Variants in GAREM1 observed in about 807,000 individuals in gnomAD.
GAREM1 encodes GRB2-associated and regulator of MAPK protein 1.
A neutral mutation model predicts 71.3 loss-of-function variants in GAREM1; 26 were observed. That is an observed-to-expected ratio of 0.36 (90% CI 0.27 to 0.51). The LOEUF is 0.51. Among genes scored for constraint, GAREM1 ranks in the 20% least tolerant of loss-of-function variants. The probability of loss-of-function intolerance (pLI) is 0.95; values close to 1 mark genes in which losing one functional copy is unlikely to be tolerated. For missense variants in GAREM1, 1,026 were observed against 1,103.1 expected (o/e 0.93, Z 0.99); for synonymous variants, 440 against 433.2 (o/e 1.02, Z -0.20).
chr18:32,291,709 T>C (rs1167303664), intron 3 of GAREM1, among the ~76,000 whole-genome samples: 2 of 151,788 alleles, frequency 1.3e-5, no homozygotes, highest in African/African-American at 2.4e-5. Context: ...GATCTCATTG[T>C]TAACTCCCAC....
At chr18:32,414,582 A>G (rs2048450044) in intron 1 of GAREM1, among the ~76,000 whole-genome samples, 1 of 152,128 alleles carries the variant, frequency 6.6e-6, no homozygotes, top group Non-Finnish European at 1.5e-5. Context: ...GAAACCATAT[A>G]AACACATGGA....
chr18:32,348,005 T>A (rs1380929898), intron 2 of GAREM1, among the ~76,000 whole-genome samples: 3 of 152,222 alleles, frequency 2.0e-5, no homozygotes, highest in African/African-American at 7.2e-5. Flanking sequence ...CTGCAATTAT[T>A]TCTTAAAATA....
chr18:32,271,957 A>G (rs1471137320), intron 4 of GAREM1, among the ~76,000 whole-genome samples: 1 of 152,256 alleles, frequency 6.6e-6, no homozygotes, highest in Non-Finnish European at 1.5e-5. Context: ...TAACAGAGCC[A>G]ATTCTGACTC....
At position 32,452,853 on chromosome 18, in the gene GAREM1, GTTTT is replaced by G. The variant is rs34771430; in HGVS notation, c.121+17451_121+17454del. 7.7e-3 allele frequency among the ~76,000 whole-genome samples: 1,134 copies of G among 147,266 alleles called. 14 individuals carry two copies. The highest frequency in any genetic ancestry group is 0.027 in the African/African-American group (1,087 of 39,836). On this transcript the variant is annotated intron_variant, in intron 1 of 5. Coordinates refer to ENST00000269209, the MANE Select transcript of GAREM1 (RefSeq NM_001242409.2). ...GGGGTTTTATACTTATAACTTCTACGTTTTTTTTTTTTTAAGAAACTTGGCATGT... is the reference window on the plus strand; with the variant it reads ...GGGGTTTTATACTTATAACTTCTACGTTTTTTTTTAAGAAACTTGGCATGT...
chr18:32,421,121 A>G (rs1278195134), intron 1 of GAREM1, among the ~76,000 whole-genome samples: 3 of 152,246 alleles, frequency 2.0e-5, no homozygotes, highest in African/African-American at 7.2e-5. Context: ...AAAGTTATAC[A>G]TAATTGTCAA....
At chr18:32,420,376 AC>A (rs1246464191) in intron 1 of GAREM1, among the ~76,000 whole-genome samples, 1 of 151,240 alleles carries the variant, frequency 6.6e-6, no homozygotes, top group African/African-American at 2.4e-5. Flanking sequence ...AAAAAAAAAA[AC>A]CCTGCTGGCC....
At chr18:32,344,991 G>A (rs1457959027) in intron 2 of GAREM1, among the ~76,000 whole-genome samples, 1 of 152,178 alleles carries the variant, frequency 6.6e-6, no homozygotes. Flanking sequence ...GAACCAGGGA[G>A]GCGGAGGTTG....
At chr18:32,453,697 G>C (rs2048862806) in intron 1 of GAREM1, among the ~76,000 whole-genome samples, 1 of 152,184 alleles carries the variant, frequency 6.6e-6, no homozygotes, top group African/African-American at 2.4e-5. Context: ...TACATTTGCA[G>C]AGATCTTTTC....
At chr18:32,370,254 C>T (rs542504543) in intron 2 of GAREM1, among the ~76,000 whole-genome samples, 78 of 151,946 alleles carry the variant, frequency 5.1e-4, no homozygotes, top group African/African-American at 1.9e-3. Flanking sequence ...ATAGTGAAAC[C>T]CCGTCTCTAC....
At position 32,268,461 on chromosome 18, in the gene GAREM1, T is replaced by C. The variant is rs747122647; in HGVS notation, c.2041A>G (p.Thr681Ala). The change falls in exon 6 of 6, where the codon ACT becomes GCT. Residue 681 changes from threonine to alanine, a missense_variant. Thr to Ala is a moderately conservative substitution (Grantham distance 58, BLOSUM62 0). This residue lies in a region of GAREM1 where 636 missense variants were observed against 631.2 expected (regional missense o/e 1.01). Transcript: ENST00000269209. ...CTGAATTCTGCAGTGACTGGGCTAG[T>C]GGGGCTGGCCAGGAGCTCACAGCCA... The part of the protein sequence containing the change: ...FDGCELLASP[T>A]SPVTAEFSSS... 8 of 1,613,952 alleles carry C rather than the reference T, an allele frequency of 5.0e-6. No homozygotes were observed. Among genetic ancestry groups the C allele is most frequent in the African/African-American group, 1.3e-5 (1 of 74,882 alleles).
Position 32,369,854 on chromosome 18 carries a change from G to A in GAREM1, c.262+23041C>T, listed in dbSNP as rs145678544. On this transcript the variant is annotated intron_variant, in intron 2 of 5. Transcript: ENST00000269209. ...GTCCATATTATGTAGACAGTAATGC[G>A]CAGATGACCACAGAGGCCTGGCCTC... is the stretch of plus-strand genomic sequence containing the variant. Among the ~76,000 whole-genome samples, 1,077 of 152,242 alleles carry A rather than the reference G, an allele frequency of 7.1e-3. 14 individuals carry two copies. The highest frequency in any genetic ancestry group is 0.024 in the African/African-American group (1,005 of 41,550).
At chr18:32,389,812 T>C (rs1211387023) in intron 2 of GAREM1, among the ~76,000 whole-genome samples, 4 of 152,094 alleles carry the variant, frequency 2.6e-5, no homozygotes, top group African/African-American at 7.2e-5. Context: ...ACAAAATATA[T>C]ACACTATAAC....
At chr18:32,385,557 GAA>G (rs34116675) in intron 2 of GAREM1, among the ~76,000 whole-genome samples, 1 of 152,170 alleles carries the variant, frequency 6.6e-6, no homozygotes, top group East Asian at 1.9e-4. Context: ...TTGTAAATCT[GAA>G]AAAGTCAAGT....
intron 3 of GAREM1, among the ~76,000 whole-genome samples, chr18:32,308,491 G>C (rs1335943424): frequency 6.7e-6 from 1 of 149,686 alleles, no homozygotes; most frequent in Non-Finnish European, 1.5e-5. Flanking sequence ...TATTTTTCTA[G>C]AAAGGAGTTT....
At chr18:32,313,946 A>G (rs1217229098) in intron 2 of GAREM1, among the ~76,000 whole-genome samples, 1 of 152,164 alleles carries the variant, frequency 6.6e-6, no homozygotes, top group Non-Finnish European at 1.5e-5. Flanking sequence ...AGGAGTTAAG[A>G]GGTAGGTGAT....
intron 2 of GAREM1, among the ~76,000 whole-genome samples, chr18:32,364,042 T>TTTTTTTG (rs2144616133): frequency 1.3e-5 from 1 of 74,644 alleles, no homozygotes; most frequent in Non-Finnish European, 3.0e-5. Context: ...TTTTTTTTTT[T>TTTTTTTG]TTTTTTTTGT....
intron 2 of GAREM1, among the ~76,000 whole-genome samples, chr18:32,372,567 C>T (rs1440369306): frequency 6.6e-6 from 1 of 152,158 alleles, no homozygotes; most frequent in African/African-American, 2.4e-5. Flanking sequence ...ACAATATACA[C>T]CCAAAGAGTG....
chr18:32,403,946 G>T (rs2048341448), intron 1 of GAREM1, among the ~76,000 whole-genome samples: 1 of 152,134 alleles, frequency 6.6e-6, no homozygotes, highest in South Asian at 2.1e-4. Context: ...TTTTAAAACT[G>T]GTCTATACAT....
At chr18:32,302,549 G>A (rs931209509) in intron 3 of GAREM1, among the ~76,000 whole-genome samples, 4 of 152,178 alleles carry the variant, frequency 2.6e-5, no homozygotes, top group Non-Finnish European at 5.9e-5. Context: ...GGAAAATCGT[G>A]TTATCTGTGG....
Sources: gnomAD v4.1 joint callset for allele counts (sites outside exome capture counted in the v4.1 genomes callset) on GRCh38, gnomAD v4.1.1 for gene constraint, gnomAD v4.1.1 regional missense constraint, MANE v1.5 for transcripts, NCBI Gene and HGNC (gene_info 2026-07-23, HGNC 2026-07-21) for gene names.